Variants in CREBBP observed in about 807,000 individuals in gnomAD.
The protein encoded by CREBBP is CREB binding lysine acetyltransferase, also known as CREB-binding protein.
CREBBP carries 19 observed loss-of-function variants against 265.0 expected under a neutral mutation model. That is an observed-to-expected ratio of 0.07 (90% CI 0.05 to 0.11). The LOEUF is 0.11. Ranked by LOEUF, CREBBP falls within the 10% of genes least tolerant of loss-of-function variation. The pLI is 1.00. For synonymous variants in CREBBP, 1,457 were observed against 1,223.7 expected (o/e 1.19, Z -3.98); for missense variants, 2,525 against 3,219.0 (o/e 0.78, Z 5.22).
chr16:3,808,220 T>A (rs2053869805), intron 3 of CREBBP, among the ~76,000 whole-genome samples: 1 of 152,118 alleles, frequency 6.6e-6, no homozygotes, highest in South Asian at 2.1e-4. Flanking sequence ...TTTTGTCAGA[T>A]GTCTGGAAGA....
chr16:3,828,031 T>C (rs1173811470), intron 2 of CREBBP, among the ~76,000 whole-genome samples: 1 of 152,154 alleles, frequency 6.6e-6, no homozygotes, highest in African/African-American at 2.4e-5. Context: ...AAATTAATTA[T>C]GCTGGCCTCT....
At chr16:3,847,955 G>C (rs962924789) in intron 2 of CREBBP, among the ~76,000 whole-genome samples, 1 of 152,094 alleles carries the variant, frequency 6.6e-6, no homozygotes, top group South Asian at 2.1e-4. Context: ...GCTCGCTTGA[G>C]GTCAGGAGTT....
intron 24 of CREBBP, 55 bp downstream of exon 24, chr16:3,740,334 AGCAGGCTCTG>A: frequency 3.1e-6 from 5 of 1,594,236 alleles, no homozygotes; most frequent in Non-Finnish European, 4.3e-6. Context: ...CTTTGCAGAG[AGCAGGCTCTG>A]GCAAGCGGGC....
At chr16:3,745,211 C>A (rs557124562) in intron 22 of CREBBP, 66 bp downstream of exon 22, 1 of 1,377,176 alleles carries the variant, frequency 7.3e-7, no homozygotes, top group Non-Finnish European at 1.0e-6. Flanking sequence ...GATGCAGTAG[C>A]CACTGCAACT....
At chr16:3,749,281 T>C (rs2052420088) in intron 21 of CREBBP, among the ~76,000 whole-genome samples, 1 of 152,244 alleles carries the variant, frequency 6.6e-6, no homozygotes, top group African/African-American at 2.4e-5. Context: ...ACGATACTAC[T>C]AGTACTACCC....
chr16:3,778,341 T>C (rs559309821), intron 9 of CREBBP, among the ~76,000 whole-genome samples, 159 bp from the exon 10 acceptor site: 1 of 152,366 alleles, frequency 6.6e-6, no homozygotes, highest in African/African-American at 2.4e-5. Flanking sequence ...TCTTGCTGAA[T>C]TCCCAATGAC....
At chr16:3,818,303 C>CTTTTTTT (rs71133660) in intron 2 of CREBBP, among the ~76,000 whole-genome samples, 44 of 106,412 alleles carry the variant, frequency 4.1e-4, no homozygotes, top group Non-Finnish European at 6.2e-4. Flanking sequence ...GTTTTCTTTT[C>CTTTTTTT]TTTTTTTTTT....
At chr16:3,802,763 A>G (rs994988294) in intron 3 of CREBBP, among the ~76,000 whole-genome samples, 1 of 152,140 alleles carries the variant, frequency 6.6e-6, no homozygotes, top group African/African-American at 2.4e-5. Context: ...GATCCACACC[A>G]GGCTGGGATT....
At chr16:3,853,560 A>T (rs946078890) in intron 1 of CREBBP, among the ~76,000 whole-genome samples, 6 of 152,038 alleles carry the variant, frequency 3.9e-5, no homozygotes, top group African/African-American at 1.4e-4. Flanking sequence ...CAGTGAGCCA[A>T]GATTGCGCCA....
intron 2 of CREBBP, among the ~76,000 whole-genome samples, chr16:3,841,688 G>C (rs2054569581): frequency 6.6e-6 from 1 of 152,120 alleles, no homozygotes; most frequent in Non-Finnish European, 1.5e-5. Flanking sequence ...ACCCAAAATA[G>C]AGAAGGTAGA....
chr16:3,752,797 A>G (rs1596841744), intron 19 of CREBBP, among the ~76,000 whole-genome samples: 1 of 152,370 alleles, frequency 6.6e-6, no homozygotes, highest in East Asian at 1.9e-4. Flanking sequence ...TTAAAGAACA[A>G]TCTGCATTTG....
chr16:3,849,435 G>GTGTGATGTGCGTGACCT (rs2054756779), intron 2 of CREBBP, among the ~76,000 whole-genome samples: 2 of 15,726 alleles, frequency 1.3e-4, no homozygotes, highest in African/African-American at 2.4e-4. Flanking sequence ...GTGTGTGTGT[G>GTGTGATGTGCGTGACCT]TGTGTGTGTG....
At chr16:3,745,183 G>A (rs976813475) in intron 22 of CREBBP, 94 bp downstream of exon 22, 19 of 1,184,898 alleles carry the variant, frequency 1.6e-5, no homozygotes, top group African/African-American at 6.1e-5. Context: ...CTGAATTCTT[G>A]CTGACAACAA....
chr16:3,793,656 T>G, intron 3 of CREBBP, 30 bp from the exon 4 acceptor site: 1 of 1,607,494 alleles, frequency 6.2e-7, no homozygotes, highest in Non-Finnish European at 8.5e-7. Flanking sequence ...TAAAAATACT[T>G]TAACCTCTCA....
chr16:3,845,525 T>C (rs2054648510), intron 2 of CREBBP, among the ~76,000 whole-genome samples: 1 of 152,140 alleles, frequency 6.6e-6, no homozygotes, highest in South Asian at 2.1e-4. Context: ...AAGATGATTA[T>C]AACAAGAAAA....
intron 30 of CREBBP, among the ~76,000 whole-genome samples, chr16:3,730,862 A>G (rs1400018691): frequency 6.6e-6 from 1 of 152,180 alleles, no homozygotes; most frequent in Non-Finnish European, 1.5e-5. Context: ...TTCAGGAACA[A>G]GTGGCCAGAG....
chr16:3,811,001 C>T (rs1054132235), intron 2 of CREBBP, among the ~76,000 whole-genome samples: 4 of 151,890 alleles, frequency 2.6e-5, no homozygotes, highest in African/African-American at 7.3e-5. Context: ...CGAGCTGTTT[C>T]CCCCCACCCT....
At chr16:3,812,700 C>T (rs2053962100) in intron 2 of CREBBP, among the ~76,000 whole-genome samples, 1 of 152,112 alleles carries the variant, frequency 6.6e-6, no homozygotes, top group African/African-American at 2.4e-5. Context: ...GGCAATATCC[C>T]AGTGCTTATC....
chr16:3,815,530 C>CAAA (rs1031380875), intron 2 of CREBBP, among the ~76,000 whole-genome samples: 2 of 51,934 alleles, frequency 3.9e-5, no homozygotes, highest in Non-Finnish European at 7.7e-5. Flanking sequence ...GACTCCATCT[C>CAAA]AAAAAAAAAA....
Sources: gnomAD v4.1 joint callset for allele counts (sites outside exome capture counted in the v4.1 genomes callset) on GRCh38, gnomAD v4.1.1 for gene constraint, MANE v1.5 for transcripts, NCBI Gene and HGNC (gene_info 2026-07-23, HGNC 2026-07-21) for gene names.